The following HACD2 variants were observed in gnomAD, a reference collection of about 807,000 sequenced individuals.
The protein encoded by HACD2 is very-long-chain (3R)-3-hydroxyacyl-CoA dehydratase 2.
A neutral mutation model predicts 31.0 loss-of-function variants in HACD2; 15 were observed. The ratio of observed to expected loss-of-function variants is 0.48; its 90% confidence interval spans 0.32 to 0.75. The LOEUF is 0.75. Among genes scored for constraint, HACD2 ranks in the 30% least tolerant of loss-of-function variants. HACD2 has a pLI of 0.03. For synonymous variants in HACD2, 115 were observed against 122.2 expected, an observed-to-expected ratio of 0.94 and a Z score of 0.39; for missense variants, 283 against 313.0, an observed-to-expected ratio of 0.90 and a Z score of 0.72.
At chr3:123,499,673 T>C (rs1390815898) in intron 6 of HACD2, 1 of 453,764 alleles carries the variant, frequency 2.2e-6, no homozygotes, top group Non-Finnish European at 4.4e-6. Context: ...GTATCTTTTC[T>C]AGATTAAAAT....
At chr3:123,514,950 G>A (rs994583937) in intron 4 of HACD2, among the ~76,000 whole-genome samples, 2 of 152,190 alleles carry the variant, frequency 1.3e-5, no homozygotes, top group Non-Finnish European at 2.9e-5. Flanking sequence ...TTATATCTCT[G>A]TTAGAAACCT....
chr3:123,496,795 A>C (rs1284928530), intron 6 of HACD2, among the ~76,000 whole-genome samples: 2 of 152,202 alleles, frequency 1.3e-5, no homozygotes, highest in African/African-American at 2.4e-5. Flanking sequence ...AGACCTTCCC[A>C]CTGGTTGCAT....
chr3:123,529,006 CT>C (rs5852343), intron 3 of HACD2, among the ~76,000 whole-genome samples: 119,995 of 148,838 alleles, frequency 0.81, 49,781 homozygotes, highest in East Asian at 0.96. Flanking sequence ...TCTTTAAAAC[CT>C]TTTTTTTTTT....
At chr3:123,540,756 A>C (rs1475060591) in intron 3 of HACD2, among the ~76,000 whole-genome samples, 4 of 152,138 alleles carry the variant, frequency 2.6e-5, no homozygotes, top group Non-Finnish European at 5.9e-5. Context: ...CATCACAGAC[A>C]GTTTTTTTTT....
chr3:123,509,190 A>G (rs2107687606), intron 4 of HACD2, among the ~76,000 whole-genome samples: 1 of 152,154 alleles, frequency 6.6e-6, no homozygotes, highest in South Asian at 2.1e-4. Context: ...CTGTTGTAAT[A>G]TATTCATCAT....
chr3:123,527,409 C>G (rs1473808461), intron 4 of HACD2, among the ~76,000 whole-genome samples: 1 of 152,236 alleles, frequency 6.6e-6, no homozygotes, highest in African/African-American at 2.4e-5. Context: ...CTGTCCCACT[C>G]TATCCCACCT....
chr3:123,581,584 C>T (rs1274613440), intron 2 of HACD2, among the ~76,000 whole-genome samples: 2 of 152,188 alleles, frequency 1.3e-5, no homozygotes, highest in African/African-American at 4.8e-5. Context: ...GTGTCAGCTC[C>T]TTGGTTCTCA....
rs1429174104 is a variant in HACD2 at position 123,494,504 on chromosome 3, G to C, written c.*384C>G. 1 of 256,052 alleles carries C rather than the reference G, an allele frequency of 3.9e-6. No individual in the cohort carries two copies. The highest frequency in any genetic ancestry group is 7.4e-6 in the Non-Finnish European group (1 of 135,042). The allele number at this position is 256,052 out of a possible 1,614,324, so 15.9% of individuals were successfully genotyped here. The stretch of plus-strand genomic sequence containing the variant: ...AGACTGAAACATAACTATACTGCAA[G>C]CTGGGCTATTCAGCTGGTACGACTT... On this transcript the variant is annotated 3_prime_UTR_variant, in exon 7 of 7. Transcript: ENST00000383657.
At chr3:123,512,366 C>T (rs1156430172) in intron 4 of HACD2, among the ~76,000 whole-genome samples, 1 of 152,200 alleles carries the variant, frequency 6.6e-6, no homozygotes, top group Non-Finnish European at 1.5e-5. Context: ...TTCTGGTTTT[C>T]CAGAGACCAG....
At chr3:123,579,998 A>C (rs564476675) in intron 2 of HACD2, among the ~76,000 whole-genome samples, 1 of 152,234 alleles carries the variant, frequency 6.6e-6, no homozygotes, top group African/African-American at 2.4e-5. Flanking sequence ...TGGGAAAACT[A>C]TTATACTTAA....
chr3:123,559,560 G>A (rs948536378), intron 3 of HACD2, among the ~76,000 whole-genome samples: 26 of 152,262 alleles, frequency 1.7e-4, no homozygotes, highest in Admixed American at 1.0e-3. Context: ...CAATGCCCTC[G>A]TTTTTCACAT....
At chr3:123,535,804 C>A (rs551171499) in intron 3 of HACD2, among the ~76,000 whole-genome samples, 2 of 152,184 alleles carry the variant, frequency 1.3e-5, no homozygotes, top group Admixed American at 1.3e-4. Context: ...AGGAATCCTA[C>A]AACAGGGCAA....
chr3:123,500,412 T>C, intron 6 of HACD2, 103 bp downstream of exon 6: 1 of 746,214 alleles, frequency 1.3e-6, no homozygotes, highest in Non-Finnish European at 2.1e-6. Flanking sequence ...ATAAATGAGA[T>C]TTACATTTAC....
chr3:123,534,386 C>G (rs2056400873), intron 3 of HACD2, among the ~76,000 whole-genome samples: 1 of 151,488 alleles, frequency 6.6e-6, no homozygotes, highest in Non-Finnish European at 1.5e-5. Context: ...CATTATAATG[C>G]AACTCATTAC....
At chr3:123,514,186 A>C (rs1029928681) in intron 4 of HACD2, among the ~76,000 whole-genome samples, 7 of 152,084 alleles carry the variant, frequency 4.6e-5, no homozygotes, top group Non-Finnish European at 1.0e-4. Flanking sequence ...GAGGTGGGAG[A>C]ATCGCTTGAG....
Position 123,500,629 on chromosome 3 carries a change from C to T in HACD2, c.568G>A (p.Ala190Thr). 3 of 1,613,420 alleles carry T rather than the reference C, an allele frequency of 1.9e-6. No individual in the cohort carries two copies. Among genetic ancestry groups the T allele is most frequent in the Non-Finnish European group, 2.5e-6 (3 of 1,179,454 alleles). ...CCAGCTTGTCTGACAAAGGGCAGAG[C>T]TGCATATATTGTGAGCAGTTCTCCT... Reference protein sequence around the residue: ...VSGELLTIYAALPFVRQAGLY... With the variant: ...VSGELLTIYATLPFVRQAGLY... The change falls in exon 6 of 7, where the codon GCT (alanine) becomes ACT (threonine). Residue 190 changes from alanine to threonine, a missense_variant. Coordinates refer to ENST00000383657, the MANE Select transcript of HACD2 (RefSeq NM_198402.5).
chr3:123,500,248 A>G (rs1465022695), intron 6 of HACD2, among the ~76,000 whole-genome samples: 1 of 152,216 alleles, frequency 6.6e-6, no homozygotes, highest in African/African-American at 2.4e-5. Context: ...TCCCCAATAC[A>G]TACTTAACCT....
At chr3:123,518,730 C>T (rs1210646732) in intron 4 of HACD2, among the ~76,000 whole-genome samples, 1 of 152,154 alleles carries the variant, frequency 6.6e-6, no homozygotes, top group Non-Finnish European at 1.5e-5. Context: ...GGCATGGTGG[C>T]TCATGCCTGT....
chr3:123,567,806 G>A (rs767198523), intron 2 of HACD2, 26 bp from the exon 3 acceptor site: 2 of 1,447,504 alleles, frequency 1.4e-6, no homozygotes, highest in Admixed American at 2.2e-5. Flanking sequence ...GGAAAAAAGA[G>A]GAGAATTAGT....
Sources: allele counts gnomAD v4.1 joint callset (sites outside exome capture counted in the v4.1 genomes callset), GRCh38; gene constraint gnomAD v4.1.1; transcripts MANE v1.5; gene names NCBI Gene and HGNC (gene_info 2026-07-23, HGNC 2026-07-21).